HEPACAM2: variants seen among roughly 807,000 people sequenced by gnomAD.
HEPACAM2 encodes HEPACAM family member 2.
Under a neutral mutation model 49.6 loss-of-function variants are expected in HEPACAM2, and 49 were observed. The observed-to-expected ratio is 0.99, with a 90% CI of 0.78 to 1.25. The LOEUF is 1.25. HEPACAM2 is among the 50% of genes most tolerant of loss of function. The pLI is 0.00. For missense variants in HEPACAM2, 525 were observed against 557.2 expected (o/e 0.94, Z 0.58); for synonymous variants, 197 against 202.9 (o/e 0.97, Z 0.25).
intron 1 of HEPACAM2, among the ~76,000 whole-genome samples, chr7:93,223,013 T>A (rs1794478935): frequency 6.6e-6 from 1 of 152,194 alleles, no homozygotes; most frequent in East Asian, 1.9e-4. Flanking sequence ...GCCTTGGGAA[T>A]GCACTGGAAA....
At chr7:93,217,876 CTGTGTGTGTGTGTG>C (rs138044928) in intron 2 of HEPACAM2, among the ~76,000 whole-genome samples, 15 of 140,094 alleles carry the variant, frequency 1.1e-4, no homozygotes, top group African/African-American at 3.5e-4. Flanking sequence ...GCATGTGTGT[CTGTGTGTGTGTGTG>C]TGTGTGTGTG....
intron 4 of HEPACAM2, among the ~76,000 whole-genome samples, chr7:93,205,834 G>C (rs899682209): frequency 6.6e-6 from 1 of 152,112 alleles, no homozygotes; most frequent in African/African-American, 2.4e-5. Context: ...TTGGGGGTTA[G>C]AAAATAGCTC....
chr7:93,221,581 A>G (rs1794452141), intron 1 of HEPACAM2, among the ~76,000 whole-genome samples: 1 of 152,094 alleles, frequency 6.6e-6, no homozygotes, highest in South Asian at 2.1e-4. Context: ...GCCTTTGGCT[A>G]GCTATTAGTA....
chr7:93,199,009 A>T (rs1793810474), intron 4 of HEPACAM2, among the ~76,000 whole-genome samples: 1 of 152,046 alleles, frequency 6.6e-6, no homozygotes. Flanking sequence ...CACATCATGG[A>T]AATCGGTTAT....
chr7:93,192,957 A>T (rs1277647047), intron 8 of HEPACAM2, among the ~76,000 whole-genome samples: 1 of 152,114 alleles, frequency 6.6e-6, no homozygotes, highest in Admixed American at 6.6e-5. Context: ...GGTAAAAACC[A>T]ACAGGTATTT....
chr7:93,232,252 A>G, the HEPACAM2 span: 1 of 524,232 alleles, frequency 1.9e-6, no homozygotes, highest in South Asian at 2.2e-5. Context: ...TTGCTGGGAG[A>G]TGTAGTCCCT....
upstream of HEPACAM2, among the ~76,000 whole-genome samples, chr7:93,230,740 G>C (rs903215552): frequency 6.6e-6 from 1 of 152,160 alleles, no homozygotes; most frequent in Admixed American, 6.5e-5. Flanking sequence ...AGAAGGTAAA[G>C]AATAAACTAA....
At chr7:93,194,726 A>T (rs1350086404) in intron 8 of HEPACAM2, among the ~76,000 whole-genome samples, 1 of 152,070 alleles carries the variant, frequency 6.6e-6, no homozygotes. Flanking sequence ...TAGTCTTTTT[A>T]ACAAATGGAA....
intron 2 of HEPACAM2, among the ~76,000 whole-genome samples, chr7:93,217,876 C>CTGTGTGTGTGTGTGTGTG (rs138044928): frequency 7.1e-6 from 1 of 140,094 alleles, no homozygotes; most frequent in Non-Finnish European, 1.6e-5. Context: ...GCATGTGTGT[C>CTGTGTGTGTGTGTGTGTG]TGTGTGTGTG....
rs775947057 is a variant in HEPACAM2 at position 93,189,139 on chromosome 7, G to A, written c.*128C>T. The A allele has an allele frequency of 1.3e-6, 1 of 752,084 alleles. No individual in the cohort carries two copies. The highest frequency in any genetic ancestry group is 2.2e-6 in the Non-Finnish European group (1 of 446,614). The allele number at this position is 752,084 out of a possible 1,614,324, so 46.6% of individuals were successfully genotyped here. On this transcript the variant is annotated 3_prime_UTR_variant, in exon 10 of 10. Coordinates refer to ENST00000394468, the MANE Select transcript of HEPACAM2 (RefSeq NM_001039372.4). ...TAAATGCCTCTATTCTGCATGTAAA[G>A]GAATAATGAGTAAGAGGTGTTGGTC...
chr7:93,228,569 G>GA (rs1194452123), upstream of HEPACAM2, among the ~76,000 whole-genome samples: 5 of 100,882 alleles, frequency 5.0e-5, no homozygotes, highest in African/African-American at 5.6e-4. Flanking sequence ...AAAATAGTTT[G>GA]AAGGTTTTAT....
intron 9 of HEPACAM2, among the ~76,000 whole-genome samples, chr7:93,190,619 A>G (rs1793519723): frequency 6.6e-6 from 1 of 152,040 alleles, no homozygotes; most frequent in Non-Finnish European, 1.5e-5. Context: ...GCGGTTTTGA[A>G]TACTTTTTAA....
intron 2 of HEPACAM2, among the ~76,000 whole-genome samples, chr7:93,218,591 C>G (rs556538723): frequency 7.2e-5 from 11 of 152,260 alleles, no homozygotes; most frequent in African/African-American, 2.6e-4. Flanking sequence ...ACATATGTCA[C>G]TTATTTCAAT....
At chr7:93,204,077 T>C (rs1793963670) in intron 4 of HEPACAM2, among the ~76,000 whole-genome samples, 1 of 152,116 alleles carries the variant, frequency 6.6e-6, no homozygotes, top group Admixed American at 6.6e-5. Flanking sequence ...TAGAAAAAAT[T>C]AGTAAATTCA....
At chr7:93,213,040 T>A (rs977658027) in intron 3 of HEPACAM2, among the ~76,000 whole-genome samples, 2 of 152,032 alleles carry the variant, frequency 1.3e-5, no homozygotes, top group Non-Finnish European at 2.9e-5. Context: ...TAACAATTTA[T>A]GGCTGTGTGG....
At chr7:93,191,738 G>C (rs1427128605) in intron 9 of HEPACAM2, among the ~76,000 whole-genome samples, 2 of 152,074 alleles carry the variant, frequency 1.3e-5, no homozygotes, top group Non-Finnish European at 2.9e-5. Context: ...CTATGGGTGA[G>C]AGGCCAGTCC....
At chr7:93,209,061 T>C (rs1266441454) in intron 3 of HEPACAM2, among the ~76,000 whole-genome samples, 185 bp from the exon 4 acceptor site, 1 of 152,022 alleles carries the variant, frequency 6.6e-6, no homozygotes, top group African/African-American at 2.4e-5. Flanking sequence ...CTGATATCGA[T>C]GAAAGTGAAA....
intron 3 of HEPACAM2, among the ~76,000 whole-genome samples, chr7:93,214,621 A>G (rs1436326869): frequency 6.6e-6 from 1 of 152,200 alleles, no homozygotes; most frequent in African/African-American, 2.4e-5. Flanking sequence ...CGTGAAGGAA[A>G]GAAGGCTTAG....
rs1793462991 is a variant in HEPACAM2, at chr7:93,188,840, TAAAAC to T, written c.*422_*426del. ...ATTCTTAACACTAATAAAAATTTAA[TAAAAC>T]AAAGTCTGCTGAAAAATCGAACAAT... is the stretch of plus-strand genomic sequence containing the variant. On this transcript the variant is annotated 3_prime_UTR_variant, in exon 10 of 10. Coordinates refer to ENST00000394468, the MANE Select transcript of HEPACAM2 (RefSeq NM_001039372.4). The T allele has an allele frequency of 2.6e-6, 1 of 391,388 alleles. No homozygotes were observed. The highest frequency in any genetic ancestry group is 4.5e-6 in the Non-Finnish European group (1 of 221,380). 24.2% of individuals were successfully genotyped at this position (391,388 alleles called of 1,614,324 possible).
Sources: allele counts gnomAD v4.1 joint callset (sites outside exome capture counted in the v4.1 genomes callset), GRCh38; gene constraint gnomAD v4.1.1; transcripts MANE v1.5; gene names NCBI Gene and HGNC (gene_info 2026-07-23, HGNC 2026-07-21).